The following BLZF1 variants were observed in gnomAD, a reference collection of about 807,000 sequenced individuals.
BLZF1 encodes the protein golgin-45.
In BLZF1, 39 loss-of-function variants were observed where a neutral mutation model predicts 43.8. The observed-to-expected ratio is 0.89, with a 90% CI of 0.69 to 1.16. The LOEUF (loss-of-function observed/expected upper bound fraction) is 1.16, where lower values mean the gene tolerates loss of function less well. Among genes scored for constraint, BLZF1 ranks in the 50% most tolerant of loss-of-function variants. BLZF1 has a pLI of 0.00. For missense variants in BLZF1, 449 were observed against 469.8 expected, an observed-to-expected ratio of 0.96 and a Z score of 0.41; for synonymous variants, 136 against 159.4, an observed-to-expected ratio of 0.85 and a Z score of 1.11.
intron 2 of BLZF1, among the ~76,000 whole-genome samples, chr1:169,372,143 C>T (rs1654141425): frequency 6.6e-6 from 1 of 152,088 alleles, no homozygotes; most frequent in African/African-American, 2.4e-5. Context: ...CTCTTAAGTC[C>T]ATTGTATGTA....
intron 6 of BLZF1, among the ~76,000 whole-genome samples, chr1:169,384,119 C>T (rs1256748487): frequency 2.6e-5 from 4 of 152,098 alleles, no homozygotes; most frequent in African/African-American, 9.7e-5. Flanking sequence ...CCTCCTTTTC[C>T]TGTATTCCCT....
In BLZF1 at chr1:169,388,198, A is replaced by G. The variant is rs1257546845; in HGVS notation, c.*1016A>G. The stretch of plus-strand genomic sequence containing the variant: ...TGCCTGTGAGAGAAATCTTCAAAAG[A>G]CAAACCTGGTCAAATAATAATAATT... On this transcript the variant is annotated 3_prime_UTR_variant, in exon 7 of 7. Coordinates refer to ENST00000367808, the MANE Select transcript of BLZF1 (RefSeq NM_001320973.2). 6.6e-6 allele frequency: 1 copy of G among 152,196 alleles called. No homozygotes were observed. Among genetic ancestry groups the G allele is most frequent in the African/African-American group, 2.4e-5 (1 of 41,458 alleles). 9.4% of individuals were successfully genotyped at this position (152,196 alleles called of 1,614,324 possible). A position where few individuals can be genotyped will look rare whatever the true frequency, so the allele number is the denominator to read the frequency against.
chr1:169,395,461 T>A (rs12073238), intron 7 of BLZF1, among the ~76,000 whole-genome samples: 2,240 of 152,318 alleles, frequency 0.015, 58 homozygotes, highest in African/African-American at 0.051. Context: ...ATTGGTTTTT[T>A]AATAATAAAC....
In BLZF1 at chr1:169,386,983, C is replaced by T. The variant is rs1654691716; in HGVS notation, c.1018-14C>T. On this transcript the variant is annotated splice_polypyrimidine_tract_variant and intron_variant, in intron 6 of 6. Transcript: ENST00000367808. ...ATATTGCATACTTCTGACATTATAT[C>T]TTATTTTCCTTAGGTTCTAAGAATT... 2 of 1,574,758 alleles carry T rather than the reference C, an allele frequency of 1.3e-6. No homozygotes were observed. The highest frequency in any genetic ancestry group is 2.7e-5 in the African/African-American group (2 of 73,370).
chr1:169,385,220 A>G (rs1180596589), intron 6 of BLZF1, among the ~76,000 whole-genome samples: 1 of 152,078 alleles, frequency 6.6e-6, no homozygotes, highest in East Asian at 1.9e-4. Context: ...CTTCTCCCAG[A>G]CCTTTATCCA....
chr1:169,379,087 A>C (rs1051643775), intron 4 of BLZF1, among the ~76,000 whole-genome samples: 1 of 151,902 alleles, frequency 6.6e-6, no homozygotes, highest in African/African-American at 2.4e-5. Context: ...ATATAGTATG[A>C]TTCTTTGTCT....
Position 169,369,481 on chromosome 1 carries a change from G to C in BLZF1, c.-42G>C. The C allele has an allele frequency of 5.7e-6, 9 of 1,582,706 alleles. No homozygotes were observed. Among genetic ancestry groups the C allele is most frequent in the Non-Finnish European group, 6.9e-6 (8 of 1,160,106 alleles). On this transcript the variant is annotated 5_prime_UTR_variant, in exon 2 of 7. Transcript: ENST00000367808. Reference sequence around the variant, plus strand: ...TATGCATACATTTCTAGGTTGTTCAGCAGAAGTCTTGGAGTGCATTTTCAG... The same window carrying C: ...TATGCATACATTTCTAGGTTGTTCACCAGAAGTCTTGGAGTGCATTTTCAG...
At chr1:169,378,139 A>T (rs1413895719) in intron 3 of BLZF1, among the ~76,000 whole-genome samples, 191 bp from the exon 4 acceptor site, 1 of 151,926 alleles carries the variant, frequency 6.6e-6, no homozygotes, top group Non-Finnish European at 1.5e-5. Context: ...ATATAGATGT[A>T]TGGAGAGAAG....
At chr1:169,395,963 G>T (rs531560095) in exon 8 of BLZF1, 1 of 151,852 alleles carries the variant, frequency 6.6e-6, no homozygotes, top group African/African-American at 2.4e-5. Flanking sequence ...ATGATATGTG[G>T]TCCTGAATTG....
rs1654435968 is a variant in BLZF1 at position 169,378,543 on chromosome 1, C to T, written c.668+14C>T. 3 of 1,608,296 alleles carry T rather than the reference C, an allele frequency of 1.9e-6. No homozygotes were observed. The highest frequency in any genetic ancestry group is 2.6e-6 in the Non-Finnish European group (3 of 1,175,602). The stretch of plus-strand genomic sequence containing the variant: ...CCTTGCAAGCAGGTATTTTCTACAG[C>T]AAATAGTATTTCACTTCCTAGTTTT... On this transcript the variant is annotated intron_variant, in intron 4 of 6. Transcript: ENST00000367808.
downstream of BLZF1, among the ~76,000 whole-genome samples, chr1:169,390,181 T>C (rs1165478340): frequency 1.6e-5 from 2 of 122,774 alleles, no homozygotes; most frequent in African/African-American, 3.2e-5. Context: ...TCTGCAACTG[T>C]TGGTTTAACA....
At chr1:169,370,696 C>G (rs1654090788) in intron 2 of BLZF1, among the ~76,000 whole-genome samples, 1 of 152,180 alleles carries the variant, frequency 6.6e-6, no homozygotes, top group African/African-American at 2.4e-5. Context: ...TGTATCTTCT[C>G]TCTTTCTTTT....
intron 2 of BLZF1, among the ~76,000 whole-genome samples, chr1:169,370,645 C>G (rs958537616): frequency 2.0e-5 from 3 of 152,180 alleles, no homozygotes; most frequent in Admixed American, 6.5e-5. Context: ...GTAGCTATTT[C>G]AATCATTGAA....
chr1:169,394,454 A>G (rs1354405110), intron 7 of BLZF1, among the ~76,000 whole-genome samples: 1 of 152,118 alleles, frequency 6.6e-6, no homozygotes, highest in Non-Finnish European at 1.5e-5. Context: ...CCCAATAGTT[A>G]GTTTTTCAAC....
intron 2 of BLZF1, among the ~76,000 whole-genome samples, chr1:169,371,418 A>G (rs928220516): frequency 5.3e-5 from 8 of 152,236 alleles, no homozygotes; most frequent in African/African-American, 1.9e-4. Flanking sequence ...TTTAACAAAC[A>G]TTATTTTGTG....
chr1:169,369,752 T>G (rs1201365584), intron 2 of BLZF1, among the ~76,000 whole-genome samples: 3 of 145,190 alleles, frequency 2.1e-5, no homozygotes, highest in Non-Finnish European at 2.9e-5. Flanking sequence ...TAGTTAGAAT[T>G]TATTAGGTGA....
chr1:169,385,310 T>G (rs1402853924), intron 6 of BLZF1, among the ~76,000 whole-genome samples: 1 of 152,096 alleles, frequency 6.6e-6, no homozygotes, highest in African/African-American at 2.4e-5. Context: ...TGCTTCAAGG[T>G]GCCATCATTT....
chr1:169,372,655 A>G (rs2102006482), intron 2 of BLZF1, among the ~76,000 whole-genome samples: 1 of 152,260 alleles, frequency 6.6e-6, no homozygotes, highest in Admixed American at 6.5e-5. Context: ...CACACAATAC[A>G]TGGCAGTAGG....
downstream of BLZF1, among the ~76,000 whole-genome samples, chr1:169,390,410 A>T (rs1654789872): frequency 6.6e-6 from 1 of 152,094 alleles, no homozygotes; most frequent in Non-Finnish European, 1.5e-5. Context: ...CTTTAAAAAG[A>T]AAGACCAAAT....
Sources: gnomAD v4.1 joint callset for allele counts (sites outside exome capture counted in the v4.1 genomes callset) on GRCh38, gnomAD v4.1.1 for gene constraint, MANE v1.5 for transcripts, NCBI Gene and HGNC (gene_info 2026-07-23, HGNC 2026-07-21) for gene names.